MYOCD: variants seen among roughly 807,000 people sequenced by gnomAD.
The protein encoded by MYOCD is myocardin.
Under a neutral mutation model 96.1 loss-of-function variants are expected in MYOCD, and 32 were observed. That is an observed-to-expected ratio of 0.33 (90% CI 0.25 to 0.45). The LOEUF (loss-of-function observed/expected upper bound fraction) is 0.45. Among genes scored for constraint, MYOCD ranks in the 20% least tolerant of loss-of-function variants. MYOCD has a pLI of 1.00. For missense variants in MYOCD, 1,133 were observed against 1,200.6 expected, an observed-to-expected ratio of 0.94 and a Z score of 0.83; for synonymous variants, 469 against 469.0, an observed-to-expected ratio of 1.00 and a Z score of 0.00.
At chr17:12,758,541 G>A (rs1371253079) in intron 12 of MYOCD, among the ~76,000 whole-genome samples, 2 of 152,244 alleles carry the variant, frequency 1.3e-5, no homozygotes, top group Admixed American at 6.5e-5. Context: ...AGATAGCCTC[G>A]CACTTACCAC....
intron 1 of MYOCD, among the ~76,000 whole-genome samples, chr17:12,702,701 C>G (rs930066407): frequency 1.3e-5 from 2 of 151,376 alleles, no homozygotes; most frequent in Non-Finnish European, 3.0e-5. Flanking sequence ...TTAGTTACAC[C>G]CTTTGTGTTT....
At chr17:12,748,171 A>AC (rs1370146705) in intron 9 of MYOCD, among the ~76,000 whole-genome samples, 6 of 149,874 alleles carry the variant, frequency 4.0e-5, no homozygotes, top group African/African-American at 1.5e-4. Flanking sequence ...AAAAAAAAAA[A>AC]AAAAAAACAA....
chr17:12,695,792 T>C (rs2030716570), intron 1 of MYOCD, among the ~76,000 whole-genome samples: 2 of 152,204 alleles, frequency 1.3e-5, no homozygotes, highest in Non-Finnish European at 2.9e-5. Context: ...TGTATAATCA[T>C]CACTAAGATT....
At chr17:12,754,061 G>GGTGTGT (rs71144923) in intron 10 of MYOCD, among the ~76,000 whole-genome samples, 4,102 of 149,548 alleles carry the variant, frequency 0.027, 40 homozygotes, top group Middle Eastern at 0.075. Context: ...AAAGCAAAGA[G>GGTGTGT]GTGTGTGTGT....
intron 5 of MYOCD, among the ~76,000 whole-genome samples, chr17:12,726,162 T>C (rs1048887335): frequency 2.6e-5 from 4 of 152,072 alleles, no homozygotes; most frequent in Admixed American, 2.0e-4. Context: ...TCAGAGAGGC[T>C]TTTCCTCCAT....
chr17:12,740,095 C>T (rs2032463099), intron 7 of MYOCD, among the ~76,000 whole-genome samples: 1 of 152,148 alleles, frequency 6.6e-6, no homozygotes, highest in Admixed American at 6.5e-5. Flanking sequence ...GCCACCATGC[C>T]CGGCTAATTT....
intron 1 of MYOCD, among the ~76,000 whole-genome samples, chr17:12,696,711 G>T (rs12937774): frequency 0.2 from 29,709 of 152,076 alleles, 3,671 homozygotes; most frequent in East Asian, 0.45. Context: ...TGCCTTAAGG[G>T]TATGTTCTTT....
intron 1 of MYOCD, among the ~76,000 whole-genome samples, chr17:12,687,622 A>G (rs892551063): frequency 1.3e-5 from 2 of 152,216 alleles, no homozygotes; most frequent in Admixed American, 1.3e-4. Flanking sequence ...TCATTTTGTT[A>G]AAAGTTTAAA....
At chr17:12,705,395 A>G (rs776836060) in intron 2 of MYOCD, 3 of 472,704 alleles carry the variant, frequency 6.3e-6, no homozygotes, top group African/African-American at 2.0e-5. Context: ...CCTTTTAATG[A>G]TACTGGTTAT....
At chr17:12,736,035 TA>T in intron 5 of MYOCD, 125 bp from the exon 6 acceptor site, 1 of 847,132 alleles carries the variant, frequency 1.2e-6, no homozygotes, top group Non-Finnish European at 1.9e-6. Flanking sequence ...CACTCTTACC[TA>T]AACTTAAAAC....
chr17:12,755,377 G>A (rs965131650), intron 10 of MYOCD, among the ~76,000 whole-genome samples: 30 of 152,236 alleles, frequency 2.0e-4, no homozygotes, highest in Middle Eastern at 3.4e-3. Context: ...TTGGGAGGCC[G>A]AGGTGGGCGG....
chr17:12,674,803 C>T (rs944919417), intron 1 of MYOCD, among the ~76,000 whole-genome samples: 1 of 151,958 alleles, frequency 6.6e-6, no homozygotes, highest in African/African-American at 2.4e-5. Context: ...AAATAAATTC[C>T]GTATGGATTA....
In MYOCD at chr17:12,742,487, A is replaced by C. The variant is rs375071355; in HGVS notation, c.718-1696A>C. On this transcript the variant is annotated intron_variant, in intron 7 of 13. Coordinates refer to ENST00000425538, the MANE Select transcript of MYOCD (RefSeq NM_001146312.3). ...ACCGGTGGAAACACACTTTCCTTCCAATGTTCCCCCAAATCCTAGCTCACT... is the reference window on the plus strand; with the variant it reads ...ACCGGTGGAAACACACTTTCCTTCCCATGTTCCCCCAAATCCTAGCTCACT... Among the ~76,000 whole-genome samples the C allele has an allele frequency of 7.2e-5, 11 of 152,250 alleles. No individual in the cohort carries two copies. The East Asian group carries it at 1.9e-3, about 27-fold the overall frequency.
chr17:12,676,388 A>G lies in MYOCD; in HGVS notation c.55+10145A>G, dbSNP rs575074596. 2.0e-5 allele frequency among the ~76,000 whole-genome samples: 3 copies of G among 152,324 alleles called. No homozygotes were observed. The South Asian group carries it at 6.2e-4, about 32-fold the overall frequency. ...AAGTTGAGAATCAAAACATACCAAA[A>G]GTGCTAAAGCACATGCATGGAAAAA... On this transcript the variant is annotated intron_variant, in intron 1 of 13. Transcript: ENST00000425538.
intron 5 of MYOCD, 79 bp downstream of exon 5, chr17:12,723,087 C>A (rs2031895061): frequency 1.4e-6 from 2 of 1,405,858 alleles, no homozygotes; most frequent in African/African-American, 2.9e-5. Flanking sequence ...ATACTAGGAT[C>A]TTTGGGGATG....
chr17:12,754,068 GTGTGTGTA>G, intron 10 of MYOCD, among the ~76,000 whole-genome samples: 1 of 134,316 alleles, frequency 7.4e-6, no homozygotes, highest in Admixed American at 7.6e-5. Flanking sequence ...AGAGGTGTGT[GTGTGTGTA>G]TGTGTGTGTG....
intron 9 of MYOCD, among the ~76,000 whole-genome samples, chr17:12,749,707 G>A (rs77909438): frequency 1.7e-4 from 23 of 135,726 alleles, no homozygotes; most frequent in African/African-American, 3.4e-4. Context: ...GTATACATAT[G>A]TGTATATATA....
chr17:12,701,349 T>A (rs552314455), intron 1 of MYOCD, among the ~76,000 whole-genome samples: 12 of 152,134 alleles, frequency 7.9e-5, no homozygotes, highest in African/African-American at 2.9e-4. Flanking sequence ...GAGTCGGAGG[T>A]TGCAGTGAGC....
At chr17:12,691,776 T>C (rs778925551) in intron 1 of MYOCD, among the ~76,000 whole-genome samples, 29 of 152,228 alleles carry the variant, frequency 1.9e-4, no homozygotes, top group Non-Finnish European at 3.4e-4. Context: ...GATAAAAGTT[T>C]AGAGTCCAAA....
Sources: allele counts gnomAD v4.1 joint callset (sites outside exome capture counted in the v4.1 genomes callset), GRCh38; gene constraint gnomAD v4.1.1; transcripts MANE v1.5; gene names NCBI Gene and HGNC (gene_info 2026-07-23, HGNC 2026-07-21).